The following SGCZ variants were observed in gnomAD, a reference collection of about 807,000 sequenced individuals.
SGCZ encodes the protein zeta-sarcoglycan.
In SGCZ, 40 loss-of-function variants were observed where a neutral mutation model predicts 41.3. That is an observed-to-expected ratio of 0.97 (90% CI 0.75 to 1.26). SGCZ has a LOEUF of 1.26. SGCZ is among the 50% of genes most tolerant of loss of function. The pLI is 0.00. For synonymous variants in SGCZ, 206 were observed against 137.5 expected, an observed-to-expected ratio of 1.50 and a Z score of -3.49; for missense variants, 552 against 369.8, an observed-to-expected ratio of 1.49 and a Z score of -4.04.
rs114384742 is a variant in SGCZ at position 14,997,377 on chromosome 8, C to T, written c.39+240208G>A. On this transcript the variant is annotated intron_variant, in intron 1 of 7. Coordinates refer to ENST00000382080, the MANE Select transcript of SGCZ (RefSeq NM_139167.4). ...TATAACAAAGCATATACTACCTTAT[C>T]TGAATCAAGATCATATTAATGCAGT... is the stretch of plus-strand genomic sequence containing the variant. Among the ~76,000 whole-genome samples the T allele has an allele frequency of 8.1e-3, 1,232 of 152,224 alleles. 24 individuals are homozygous for T. The highest frequency in any genetic ancestry group is 0.028 in the African/African-American group (1,151 of 41,532).
At chr8:14,802,262 T>C (rs1186674247) in intron 1 of SGCZ, among the ~76,000 whole-genome samples, 1 of 152,200 alleles carries the variant, frequency 6.6e-6, no homozygotes, top group African/African-American at 2.4e-5. Context: ...TTAATGTGTA[T>C]TTAGAAGGTG....
intron 2 of SGCZ, among the ~76,000 whole-genome samples, chr8:14,450,849 T>C (rs188220411): frequency 5.3e-5 from 8 of 152,312 alleles, no homozygotes; most frequent in Admixed American, 4.6e-4. Context: ...TTTCCTGATA[T>C]GTGTATTCTC....
intron 1 of SGCZ, among the ~76,000 whole-genome samples, chr8:15,066,114 C>T (rs1177461253): frequency 6.6e-6 from 1 of 151,796 alleles, no homozygotes. Context: ...CGAGACCATC[C>T]TGGCTAACAA....
intron 1 of SGCZ, among the ~76,000 whole-genome samples, chr8:15,203,577 G>A (rs959075423): frequency 6.6e-6 from 1 of 152,128 alleles, no homozygotes; most frequent in Non-Finnish European, 1.5e-5. Context: ...TGATTTAGAA[G>A]ACTAAAATGA....
At chr8:14,325,083 G>C (rs1224911056) in intron 2 of SGCZ, among the ~76,000 whole-genome samples, 1 of 152,104 alleles carries the variant, frequency 6.6e-6, no homozygotes, top group East Asian at 1.9e-4. Context: ...TAAGGAGAAT[G>C]TACTTAAGTC....
chr8:14,774,031 A>T (rs1273749462), intron 1 of SGCZ, among the ~76,000 whole-genome samples: 1 of 152,218 alleles, frequency 6.6e-6, no homozygotes, highest in East Asian at 1.9e-4. Flanking sequence ...CGGCTCAGAT[A>T]TGCAGTCAAG....
rs57557941 is a variant in SGCZ, at chr8:14,541,089, T to C, written c.234+13643A>G. Among the ~76,000 whole-genome samples the C allele has an allele frequency of 4.3e-3, 654 of 150,710 alleles. 7 individuals carry two copies. Among genetic ancestry groups the C allele is most frequent in the African/African-American group, 0.015 (612 of 40,698 alleles). On this transcript the variant is annotated intron_variant, in intron 2 of 7. Transcript: ENST00000382080. ...TGTGTATATACAAAAACACAACACA[T>C]ACACACACATATATTATATATATCA...
rs1799857632 is a variant in SGCZ, at chr8:15,172,166, T to TTTG, written c.39+65418_39+65419insCAA. 3.0e-5 allele frequency among the ~76,000 whole-genome samples: 4 copies of TTTG among 133,694 alleles called. 1 individual carries two copies. Among genetic ancestry groups the TTTG allele is most frequent in the African/African-American group, 8.7e-5 (3 of 34,480 alleles). The allele number at this position is 133,694 out of a possible 152,430, so 87.7% of individuals were successfully genotyped here. A position where few individuals can be genotyped will look rare whatever the true frequency, so the allele number is the denominator to read the frequency against. The stretch of plus-strand genomic sequence containing the variant: ...CCTTTTATACTCTGTTTTTTTTTTT[T>TTTG]TTTTTTTTTTTTTGAGACGGAGTTT... On this transcript the variant is annotated intron_variant, in intron 1 of 7. Transcript: ENST00000382080.
At chr8:14,502,153 G>A (rs1056367539) in intron 2 of SGCZ, among the ~76,000 whole-genome samples, 1 of 152,036 alleles carries the variant, frequency 6.6e-6, no homozygotes, top group Non-Finnish European at 1.5e-5. Context: ...AAGTCATTAA[G>A]AATTATTTTT....
At chr8:14,942,657 C>T (rs2130822681) in intron 1 of SGCZ, among the ~76,000 whole-genome samples, 1 of 152,232 alleles carries the variant, frequency 6.6e-6, no homozygotes, top group Non-Finnish European at 1.5e-5. Context: ...CACCCATTTT[C>T]CCAAATTTCC....
At chr8:14,097,801 C>T (rs1585130611) in intron 7 of SGCZ, among the ~76,000 whole-genome samples, 1 of 152,130 alleles carries the variant, frequency 6.6e-6, no homozygotes, top group Non-Finnish European at 1.5e-5. Context: ...ATTTAGGATA[C>T]TTAGATCTTC....
chr8:14,870,060 C>A (rs1804089354), intron 1 of SGCZ, among the ~76,000 whole-genome samples: 1 of 152,182 alleles, frequency 6.6e-6, no homozygotes, highest in African/African-American at 2.4e-5. Context: ...ACTTTCTTCA[C>A]AGAACTAGAA....
Position 14,880,916 on chromosome 8 carries a change from G to A in SGCZ, c.40-325990C>T, listed in dbSNP as rs559855376. On this transcript the variant is annotated intron_variant, in intron 1 of 7. Coordinates refer to ENST00000382080, the MANE Select transcript of SGCZ (RefSeq NM_139167.4). The stretch of plus-strand genomic sequence containing the variant: ...ACATGTATACATATGTAACAAACCT[G>A]CATGTTGTGCACATGTACCCTAAAA... Among the ~76,000 whole-genome samples, 389 of 151,926 alleles carry A rather than the reference G, an allele frequency of 2.6e-3. 3 individuals are homozygous for A. Among genetic ancestry groups the A allele is most frequent in the African/African-American group, 9.0e-3 (373 of 41,422 alleles).
rs1585121553 is a variant in SGCZ at position 14,087,721 on chromosome 8, A to C, written c.*2722T>G. On this transcript the variant is annotated 3_prime_UTR_variant, in exon 8 of 8. Coordinates refer to ENST00000382080, the MANE Select transcript of SGCZ (RefSeq NM_139167.4). ...AAGGGACCACTATATTTTTAAAAAA[A>C]AAAAAATGCTTTTTTGTGTTTGAAT... is the stretch of plus-strand genomic sequence containing the variant. 6.6e-6 allele frequency among the ~76,000 whole-genome samples: 1 copy of C among 150,486 alleles called. No homozygotes were observed. Among genetic ancestry groups the C allele is most frequent in the Middle Eastern group, 3.4e-3 (1 of 294 alleles).
At chr8:14,231,748 C>G (rs148010016) in intron 4 of SGCZ, among the ~76,000 whole-genome samples, 161 of 152,220 alleles carry the variant, frequency 1.1e-3, no homozygotes, top group African/African-American at 3.7e-3. Context: ...ATCCAGATTT[C>G]TCCCTATTAA....
chr8:14,272,929 C>T (rs1184288345), intron 3 of SGCZ, among the ~76,000 whole-genome samples: 1 of 152,026 alleles, frequency 6.6e-6, no homozygotes, highest in Non-Finnish European at 1.5e-5. Flanking sequence ...TGATAAAAAA[C>T]TATTTTCAGT....
At chr8:15,065,149 G>A (rs758648767) in intron 1 of SGCZ, among the ~76,000 whole-genome samples, 1 of 151,950 alleles carries the variant, frequency 6.6e-6, no homozygotes, top group African/African-American at 2.4e-5. Flanking sequence ...CCAACAAGAC[G>A]GAACTGCTTA....
At chr8:14,744,118 A>C (rs1799276719) in intron 1 of SGCZ, among the ~76,000 whole-genome samples, 1 of 132,236 alleles carries the variant, frequency 7.6e-6, no homozygotes, top group Non-Finnish European at 1.5e-5. Flanking sequence ...AAAAAATTTA[A>C]AAAACAAACA....
intron 1 of SGCZ, among the ~76,000 whole-genome samples, chr8:15,041,766 T>C (rs1804105783): frequency 1.3e-5 from 2 of 152,126 alleles, no homozygotes; most frequent in African/African-American, 4.8e-5. Flanking sequence ...AATTCTTATA[T>C]GGGGAACAAA....
Sources: gnomAD v4.1 joint callset for allele counts (sites outside exome capture counted in the v4.1 genomes callset) on GRCh38, gnomAD v4.1.1 for gene constraint, MANE v1.5 for transcripts, NCBI Gene and HGNC (gene_info 2026-07-23, HGNC 2026-07-21) for gene names.